SMIM22: variants seen among roughly 807,000 people sequenced by gnomAD.
SMIM22 encodes small integral membrane protein 22, also known as cancer associated small integral membrane open reading frame 1.
Under a neutral mutation model 8.4 loss-of-function variants are expected in SMIM22, and 16 were observed. The observed-to-expected ratio is 1.90, with a 90% CI of 1.29 to 2.89. The LOEUF is 2.89. Among genes scored for constraint, SMIM22 ranks in the 30% most tolerant of loss-of-function variants. The pLI, the probability that SMIM22 is intolerant of heterozygous loss-of-function variation, is 0.00. For synonymous variants in SMIM22, 67 were observed against 47.6 expected, an observed-to-expected ratio of 1.41 and a Z score of -1.68; for missense variants, 159 against 107.5, an observed-to-expected ratio of 1.48 and a Z score of -2.12.
intron 2 of SMIM22, among the ~76,000 whole-genome samples, chr16:4,789,538 G>A (rs926407063): frequency 6.6e-6 from 1 of 152,086 alleles, no homozygotes; most frequent in Non-Finnish European, 1.5e-5. Context: ...GTGTTAGCCA[G>A]GATGGTCTCG....
intron 2 of SMIM22, among the ~76,000 whole-genome samples, chr16:4,789,594 G>A (rs2082518926): frequency 6.6e-6 from 1 of 152,136 alleles, no homozygotes; most frequent in African/African-American, 2.4e-5. Context: ...CCAAAGTGCT[G>A]GGATTACAGG....
chr16:4,788,920 G>A (rs7203234), intron 2 of SMIM22: 152,333 of 152,340 alleles, frequency 1, 76,163 homozygotes, highest in Middle Eastern at 1. Context: ...TATCTTAGAG[G>A]TTATCACCCT....
At chr16:4,794,667 G>T (rs1014489219), upstream of SMIM22, among the ~76,000 whole-genome samples, 1 of 152,096 alleles carries the variant, frequency 6.6e-6, no homozygotes, top group African/African-American at 2.4e-5. Flanking sequence ...CAGCTGACCC[G>T]CCTCTGCCTC....
chr16:4,788,465 C>G (rs890173562), exon 1 of SMIM22: 4 of 152,246 alleles, frequency 2.6e-5, no homozygotes, highest in Non-Finnish European at 5.9e-5. Context: ...CTTCTAATCC[C>G]CACAATGACC....
upstream of SMIM22, among the ~76,000 whole-genome samples, chr16:4,793,704 G>T (rs2082589398): frequency 6.6e-6 from 1 of 152,162 alleles, no homozygotes; most frequent in East Asian, 1.9e-4. Context: ...GACATGTACA[G>T]ACTTTTTTGC....
intron 1 of SMIM22, 58 bp from the exon 2 acceptor site, chr16:4,795,657 G>A: frequency 4.0e-6 from 6 of 1,499,912 alleles, no homozygotes; most frequent in Non-Finnish European, 5.3e-6. Flanking sequence ...AAGCCTGGAT[G>A]TGGTCCCCGC....
upstream of SMIM22, among the ~76,000 whole-genome samples, chr16:4,792,544 G>C (rs891372414): frequency 1.3e-5 from 2 of 148,460 alleles, no homozygotes; most frequent in African/African-American, 4.9e-5. Context: ...GATCATGCCT[G>C]TAATCCCAGC....
In SMIM22 at chr16:4,795,380, A is replaced by G; in HGVS notation, c.-90A>G. The G allele has an allele frequency of 3.9e-6, 1 of 256,670 alleles. No individual in the cohort carries two copies. Among genetic ancestry groups the G allele is most frequent in the South Asian group, 4.7e-5 (1 of 21,242 alleles). 15.9% of individuals were successfully genotyped at this position (256,670 alleles called of 1,614,324 possible). ...GTTGCCAAGGCCTCAGGTGGTGTGG[A>G]GCCGGAAGCAGGAAGCAGCCTGTGC... On this transcript the variant is annotated 5_prime_UTR_variant, in exon 1 of 4. Coordinates refer to ENST00000586005, the MANE Select transcript of SMIM22 (RefSeq NM_001253794.2).
upstream of SMIM22, among the ~76,000 whole-genome samples, chr16:4,792,489 C>T (rs2082567301): frequency 1.3e-5 from 2 of 149,608 alleles, no homozygotes; most frequent in South Asian, 4.2e-4. Flanking sequence ...CGCGCCTAGC[C>T]TCCCCTGCAC....
At chr16:4,793,023 C>T (rs1596267871), upstream of SMIM22, among the ~76,000 whole-genome samples, 1 of 150,362 alleles carries the variant, frequency 6.7e-6, no homozygotes, top group Non-Finnish European at 1.5e-5. Flanking sequence ...GCAGGAGAAT[C>T]GCTCGAACCC....
chr16:4,796,135 T>A (rs2141901201), intron 3 of SMIM22, 55 bp from the exon 4 acceptor site: 1 of 1,535,602 alleles, frequency 6.5e-7, no homozygotes, highest in East Asian at 2.4e-5. Context: ...AGGGTGCTCA[T>A]CCCCCTAGGG....
upstream of SMIM22, among the ~76,000 whole-genome samples, chr16:4,791,169 C>T (rs1185430518): frequency 1.3e-5 from 2 of 152,174 alleles, no homozygotes; most frequent in Admixed American, 1.3e-4. Flanking sequence ...AAAATCGTGG[C>T]GGTGAGGGGA....
Position 4,795,961 on chromosome 16 carries a change from C to T in SMIM22, c.138C>T (p.Leu46=), listed in dbSNP as rs746447144. ...VFLTFMGTVL[L]LLLLVVAHCC... is the part of the protein sequence containing the mutation. ...TCCTGTCCCCAGGCACCGTGCTGCT[C>T]CTGCTGCTGCTGGTCGTCGCCCACT... is the stretch of plus-strand genomic sequence containing the variant. Residue 46 remains leucine (L), a synonymous_variant, in exon 3 of 4, where the codon CTC becomes CTT. Coordinates refer to ENST00000586005, the MANE Select transcript of SMIM22 (RefSeq NM_001253794.2). The T allele has an allele frequency of 2.7e-6, 4 of 1,507,490 alleles. No homozygotes were observed. The highest frequency in any genetic ancestry group is 3.5e-6 in the Non-Finnish European group (4 of 1,132,112). 93.4% of individuals were successfully genotyped at this position (1,507,490 alleles called of 1,614,324 possible). A position where few individuals can be genotyped will look rare whatever the true frequency, so the allele number is the denominator to read the frequency against.
chr16:4,790,438 A>C (rs1006602282), upstream of SMIM22, among the ~76,000 whole-genome samples: 2 of 152,180 alleles, frequency 1.3e-5, no homozygotes, highest in African/African-American at 4.8e-5. Context: ...ACCTTCTGCC[A>C]GTTCTTCCTT....
At chr16:4,793,540 C>G (rs2082586537), upstream of SMIM22, among the ~76,000 whole-genome samples, 1 of 152,100 alleles carries the variant, frequency 6.6e-6, no homozygotes, top group Non-Finnish European at 1.5e-5. Flanking sequence ...ATGCAGAGCC[C>G]CACATTAGCT....
chr16:4,795,908 C>G (rs1022652475), intron 2 of SMIM22, 40 bp from the exon 3 acceptor site: 11 of 1,529,946 alleles, frequency 7.2e-6, no homozygotes, highest in Non-Finnish European at 8.7e-6. Flanking sequence ...GCCCTGGGCT[C>G]CAGGTTGGGG....
At chr16:4,793,991 G>A (rs181679811), upstream of SMIM22, among the ~76,000 whole-genome samples, 113 of 150,600 alleles carry the variant, frequency 7.5e-4, no homozygotes, top group Non-Finnish European at 1.0e-3. Context: ...GCGGGTGTGC[G>A]GTGACATGAT....
At chr16:4,793,842 T>C (rs993084323), upstream of SMIM22, among the ~76,000 whole-genome samples, 1 of 152,180 alleles carries the variant, frequency 6.6e-6, no homozygotes, top group African/African-American at 2.4e-5. Context: ...AGTGGTGCCA[T>C]CTTGGCTCAC....
upstream of SMIM22, chr16:4,794,855 G>T (rs1369684689): frequency 6.6e-6 from 1 of 152,246 alleles, no homozygotes; most frequent in African/African-American, 2.4e-5. Context: ...CACCAGGCCA[G>T]GCCAAATATA....
Sources: gnomAD v4.1 joint callset for allele counts (sites outside exome capture counted in the v4.1 genomes callset) on GRCh38, gnomAD v4.1.1 for gene constraint, MANE v1.5 for transcripts, NCBI Gene and HGNC (gene_info 2026-07-23, HGNC 2026-07-21) for gene names.